EPRS1: variants seen among roughly 807,000 people sequenced by gnomAD.
EPRS1 encodes the protein glutamyl-prolyl-tRNA synthetase 1.
Under a neutral mutation model 188.3 loss-of-function variants are expected in EPRS1, and 107 were observed. The ratio of observed to expected loss-of-function variants is 0.57; its 90% CI spans 0.49 to 0.67. EPRS1 has a LOEUF of 0.67. EPRS1 is among the 30% of genes least tolerant of loss of function. The pLI, the probability that EPRS1 is intolerant of heterozygous loss-of-function variation, is 0.00. For missense variants in EPRS1, 1,577 were observed against 1,802.2 expected (o/e 0.88, Z 2.26); for synonymous variants, 596 against 593.1 (o/e 1.00, Z -0.07).
chr1:220,019,227 T>C (rs1431072171), intron 10 of EPRS1, 148 bp from the exon 11 acceptor site: 1 of 586,712 alleles, frequency 1.7e-6, no homozygotes, highest in Non-Finnish European at 3.0e-6. Flanking sequence ...TATGCAATAC[T>C]AGTGAGCCCA....
intron 11 of EPRS1, 128 bp from the exon 12 acceptor site, chr1:220,018,636 G>T: frequency 1.4e-6 from 1 of 691,768 alleles, no homozygotes; most frequent in South Asian, 1.8e-5. Context: ...TACTTCTAGT[G>T]AAATATAAAA....
intron 13 of EPRS1, among the ~76,000 whole-genome samples, chr1:220,008,942 C>T (rs1193488430): frequency 6.6e-6 from 1 of 152,180 alleles, no homozygotes; most frequent in Non-Finnish European, 1.5e-5. Flanking sequence ...TCTCAAAGTG[C>T]TAGGATTACA....
chr1:220,018,870 G>A, intron 11 of EPRS1, 125 bp downstream of exon 11: 1 of 500,698 alleles, frequency 2.0e-6, no homozygotes, highest in Non-Finnish European at 3.3e-6. Flanking sequence ...AAAAAAATCT[G>A]CCCTTGGATC....
At chr1:219,991,258 T>G (rs917055485) in intron 18 of EPRS1, among the ~76,000 whole-genome samples, 2 of 148,942 alleles carry the variant, frequency 1.3e-5, no homozygotes, top group African/African-American at 2.5e-5. Flanking sequence ...ACCTGGAACA[T>G]TATCCATTTG....
Position 219,996,742 on chromosome 1 carries a change from C to T in EPRS1, c.2541+241G>A, listed in dbSNP as rs11118481. Reference sequence around the variant, plus strand: ...AACTTATACATATCACAAAGGATTACAGTCACATCACATAAGAGTACACTG... The same window carrying T: ...AACTTATACATATCACAAAGGATTATAGTCACATCACATAAGAGTACACTG... On this transcript the variant is annotated intron_variant, in intron 18 of 31. Transcript: ENST00000366923. 6.0e-3 allele frequency among the ~76,000 whole-genome samples: 907 copies of T among 152,264 alleles called. 13 individuals are homozygous for T. The highest frequency in any genetic ancestry group is 0.02 in the African/African-American group (848 of 41,534).
At chr1:220,004,059 G>A (rs941122331) in intron 16 of EPRS1, among the ~76,000 whole-genome samples, 22 of 152,156 alleles carry the variant, frequency 1.4e-4, no homozygotes, top group African/African-American at 5.1e-4. Flanking sequence ...AGAGAGTCTT[G>A]CTCTGTCACC....
chr1:219,972,174 C>A, intron 29 of EPRS1, 27 bp from the exon 30 acceptor site: 2 of 1,366,420 alleles, frequency 1.5e-6, no homozygotes, highest in East Asian at 2.4e-5. Flanking sequence ...GAAAACAATA[C>A]ATAATTGTTC....
intron 17 of EPRS1, among the ~76,000 whole-genome samples, chr1:219,998,095 A>G (rs1445157492): frequency 4.6e-5 from 7 of 152,152 alleles, no homozygotes; most frequent in South Asian, 2.1e-4. Context: ...CCCTTCTAAC[A>G]TTAAAACCCA....
chr1:220,025,010 T>C (rs771435215), intron 7 of EPRS1, 122 bp downstream of exon 7: 3 of 926,108 alleles, frequency 3.2e-6, no homozygotes, highest in East Asian at 2.5e-5. Flanking sequence ...ATATGGAATA[T>C]ATAGATAGGG....
intron 6 of EPRS1, among the ~76,000 whole-genome samples, chr1:220,027,721 G>A (rs1230561956): frequency 6.6e-6 from 1 of 151,778 alleles, no homozygotes; most frequent in Non-Finnish European, 1.5e-5. Context: ...AGTGGCTCAT[G>A]CCTGTAATCC....
At chr1:219,988,190 C>A (rs1295653511) in intron 19 of EPRS1, among the ~76,000 whole-genome samples, 1 of 152,106 alleles carries the variant, frequency 6.6e-6, no homozygotes, top group Admixed American at 6.5e-5. Context: ...CTACTAAGAG[C>A]TCAAAATAAA....
intron 8 of EPRS1, 145 bp from the exon 9 acceptor site, chr1:220,022,663 C>A: frequency 1.5e-6 from 1 of 653,242 alleles, no homozygotes; most frequent in Non-Finnish European, 2.6e-6. Context: ...TTTCCAGTAT[C>A]CAGTACCAAG....
rs1339381377 is a variant in EPRS1 at position 220,003,144 on chromosome 1, GTCT to G, written c.2064-1892_2064-1890del. ...CTCCACATTTCTAACCCTTGTTATT[GTCT>G]TTTTTTATTTCAGCCATCCTAGTGG... On this transcript the variant is annotated intron_variant, in intron 16 of 31. Transcript: ENST00000366923. 9.9e-5 allele frequency among the ~76,000 whole-genome samples: 15 copies of G among 152,040 alleles called. No individual in the cohort carries two copies. The East Asian group carries it at 2.9e-3, about 29-fold the overall frequency.
intron 18 of EPRS1, among the ~76,000 whole-genome samples, chr1:219,994,276 A>T (rs2647467): frequency 6.6e-6 from 1 of 151,914 alleles, no homozygotes; most frequent in Non-Finnish European, 1.5e-5. Flanking sequence ...TCTGAGTGTC[A>T]GTGTGTGTGA....
intron 16 of EPRS1, 88 bp from the exon 17 acceptor site, chr1:220,001,343 G>T: frequency 1.3e-6 from 1 of 786,590 alleles, no homozygotes; most frequent in South Asian, 1.4e-5. Flanking sequence ...TAAATTCAAT[G>T]GCACTAAGTT....
intron 6 of EPRS1, among the ~76,000 whole-genome samples, chr1:220,028,461 ACACG>A (rs199500627): frequency 2.9e-5 from 1 of 34,308 alleles, no homozygotes; most frequent in East Asian, 2.9e-3. Flanking sequence ...AAACACACAC[ACACG>A]CGCACACACA....
In EPRS1 at chr1:219,987,276, T is replaced by G. The variant is rs1443156859; in HGVS notation, c.2904A>C (p.Lys968Asn). The stretch of plus-strand genomic sequence containing the variant: ...TATTCTGCTTTTCAGATTTATTTTC[T>G]TTTTCTTTCTTCTTCTTATCTTTGT... ...AEDKDKKKKE[K>N]ENKSEKQNKP... The change falls in exon 20 of 32, where the codon AAA (lysine) becomes AAC (asparagine). Residue 968 changes from lysine (K) to asparagine (N), a missense_variant. Physicochemically the swap from Lys to Asn is moderately conservative, Grantham distance 94 (BLOSUM62 0). Coordinates refer to ENST00000366923, the MANE Select transcript of EPRS1 (RefSeq NM_004446.3). 6.2e-7 allele frequency: 1 copy of G among 1,614,104 alleles called. No homozygotes were observed. The highest frequency in any genetic ancestry group is 1.1e-5 in the South Asian group (1 of 91,076).
intron 6 of EPRS1, among the ~76,000 whole-genome samples, chr1:220,027,327 C>T (rs1042301387): frequency 1.3e-5 from 2 of 151,892 alleles, no homozygotes; most frequent in African/African-American, 4.8e-5. Context: ...ACCTGGGAGG[C>T]TGAGGCAGGA....
chr1:220,017,509 C>G (rs1661744811), intron 12 of EPRS1, among the ~76,000 whole-genome samples: 1 of 152,102 alleles, frequency 6.6e-6, no homozygotes, highest in Admixed American at 6.5e-5. Context: ...ACAGCAAGAA[C>G]CAATTAACAA....
Sources: gnomAD v4.1 joint callset for allele counts (sites outside exome capture counted in the v4.1 genomes callset) on GRCh38, gnomAD v4.1.1 for gene constraint, MANE v1.5 for transcripts, NCBI Gene and HGNC (gene_info 2026-07-23, HGNC 2026-07-21) for gene names.